INPP4B: variants seen among roughly 807,000 people sequenced by gnomAD.
INPP4B encodes inositol polyphosphate-4-phosphatase type II B.
In INPP4B, 55 loss-of-function variants were observed where a neutral mutation model predicts 122.5. The observed-to-expected ratio is 0.45, with a 90% CI of 0.36 to 0.56. INPP4B has a LOEUF of 0.56. Among genes scored for constraint, INPP4B ranks in the 20% least tolerant of loss-of-function variants. The pLI is 0.00. For missense variants in INPP4B, 1,000 were observed against 1,097.7 expected, an observed-to-expected ratio of 0.91 and a Z score of 1.26; for synonymous variants, 403 against 388.7, an observed-to-expected ratio of 1.04 and a Z score of -0.43.
At chr4:142,044,085 A>AAC (rs1553956444) in intron 25 of INPP4B, among the ~76,000 whole-genome samples, 2 of 151,904 alleles carry the variant, frequency 1.3e-5, no homozygotes, top group East Asian at 3.9e-4. Flanking sequence ...GAAGATCAGA[A>AAC]AGAAAAAATT....
chr4:142,684,304 G>A (rs375854925), intron 2 of INPP4B, among the ~76,000 whole-genome samples: 1 of 151,982 alleles, frequency 6.6e-6, no homozygotes, highest in South Asian at 2.1e-4. Flanking sequence ...ACCGAATAGC[G>A]CTCCCAAAAG....
At chr4:142,522,162 G>C (rs1826168109) in intron 2 of INPP4B, among the ~76,000 whole-genome samples, 1 of 151,478 alleles carries the variant, frequency 6.6e-6, no homozygotes, top group African/African-American at 2.4e-5. Flanking sequence ...CATTTCTTTT[G>C]TTGCATTTTT....
At chr4:142,448,978 T>C (rs567905351) in intron 3 of INPP4B, among the ~76,000 whole-genome samples, 16 of 152,218 alleles carry the variant, frequency 1.1e-4, no homozygotes, top group Non-Finnish European at 1.3e-4. Flanking sequence ...GTCAGGGCAA[T>C]GGATGTACAT....
rs139598944 is a variant in INPP4B, at chr4:142,526,874, G to T, written c.-190-64148C>A. ...ATTTTAAAATTCTCATTTATGTAACGTGTTTAACGATATAGACAAAATTAA... is the reference window on the plus strand; with the variant it reads ...ATTTTAAAATTCTCATTTATGTAACTTGTTTAACGATATAGACAAAATTAA... On this transcript the variant is annotated intron_variant, in intron 2 of 25. Transcript: ENST00000262992. Among the ~76,000 whole-genome samples the T allele has an allele frequency of 6.4e-3, 968 of 151,956 alleles. 23 individuals carry two copies. The highest frequency in any genetic ancestry group is 0.032 in the Admixed American group (492 of 15,206).
Position 142,123,398 on chromosome 4 carries a change from A to G in INPP4B, c.1911T>C (p.Cys637=), listed in dbSNP as rs1381682415. The G allele has an allele frequency of 1.9e-6, 3 of 1,611,658 alleles. No individual in the cohort carries two copies. Among genetic ancestry groups the G allele is most frequent in the Non-Finnish European group, 2.5e-6 (3 of 1,179,132 alleles). ...TTGTCTGTAATTTGATGATAAAACCACAAACCAATCCAGCAAGCTGAAAAA... is the reference window on the plus strand; with the variant it reads ...TTGTCTGTAATTTGATGATAAAACCGCAAACCAATCCAGCAAGCTGAAAAA... ...VFSQALAGLV[C]GFIIKLQTSL... The change falls in exon 20 of 26, where the codon TGT becomes TGC. Residue 637 remains cysteine (C), a synonymous_variant. Coordinates refer to ENST00000262992, the MANE Select transcript of INPP4B (RefSeq NM_001101669.3).
intron 14 of INPP4B, among the ~76,000 whole-genome samples, chr4:142,196,942 T>G (rs1451720343): frequency 1.3e-5 from 2 of 151,380 alleles, no homozygotes; most frequent in South Asian, 2.1e-4. Flanking sequence ...CTGGTCAACA[T>G]GATGAAACCC....
chr4:142,734,879 A>G lies in INPP4B; in HGVS notation c.-253-8978T>C, dbSNP rs543547790. On this transcript the variant is annotated intron_variant, in intron 1 of 25. Transcript: ENST00000262992. ...AGACAGGCCTCAAACTCCTAACCTC[A>G]GATGATCTGCCTGCCTCAGCCTCCC... 2.2e-4 allele frequency among the ~76,000 whole-genome samples: 34 copies of G among 152,294 alleles called. 1 individual carries two copies. The East Asian group carries it at 6.0e-3, about 27-fold the overall frequency.
Position 142,026,166 on chromosome 4 carries a change from G to A in INPP4B, c.*2616C>T, listed in dbSNP as rs1236623017. The A allele has an allele frequency of 6.6e-6, 1 of 152,130 alleles. No homozygotes were observed. The allele number at this position is 152,130 out of a possible 1,614,324, so 9.4% of individuals were successfully genotyped here. A position where few individuals can be genotyped will look rare whatever the true frequency, so the allele number is the denominator to read the frequency against. On this transcript the variant is annotated 3_prime_UTR_variant, in exon 26 of 26. Transcript: ENST00000262992. The stretch of plus-strand genomic sequence containing the variant: ...TATCTTTTAAGTGAAAATATAGATA[G>A]AATAGCATGACTGTGGCTGTGTTTG...
chr4:142,242,346 C>T (rs891788687), intron 11 of INPP4B, among the ~76,000 whole-genome samples: 2 of 152,104 alleles, frequency 1.3e-5, no homozygotes, highest in African/African-American at 4.8e-5. Flanking sequence ...TGCAGCCAAA[C>T]CCACAAGCTC....
rs994130431 is a variant in INPP4B at position 142,381,796 on chromosome 4, T to C, written c.372+21142A>G. On this transcript the variant is annotated intron_variant, in intron 7 of 25. Transcript: ENST00000262992. ...TTTTACCTGCACTTTTTTTCTTAAA[T>C]AACCCGTTCTTTACCTATTAACTAA... Among the ~76,000 whole-genome samples, 10 of 152,112 alleles carry C rather than the reference T, an allele frequency of 6.6e-5. 1 individual carries two copies. Among genetic ancestry groups the C allele is most frequent in the Admixed American group, 5.9e-4 (9 of 15,254 alleles).
At chr4:142,189,934 A>C (rs902750267) in intron 15 of INPP4B, among the ~76,000 whole-genome samples, 1 of 152,156 alleles carries the variant, frequency 6.6e-6, no homozygotes, top group Non-Finnish European at 1.5e-5. Context: ...AATTTTAATA[A>C]ATATGGTTGT....
chr4:142,097,225 T>TTTTTATTTTATTTTATTTTATTTTA (rs376210499), intron 23 of INPP4B, among the ~76,000 whole-genome samples: 25 of 135,554 alleles, frequency 1.8e-4, no homozygotes, highest in African/African-American at 6.5e-4. Flanking sequence ...TTTTATGTTA[T>TTTTTATTTTATTTTATTTTATTTTA]TTTTATTTTA....
chr4:142,214,882 G>T (rs1346060848), intron 12 of INPP4B, among the ~76,000 whole-genome samples: 2 of 152,024 alleles, frequency 1.3e-5, no homozygotes, highest in East Asian at 3.9e-4. Context: ...TTGTATAGAT[G>T]AAAAAAGACC....
In INPP4B at chr4:142,248,245, C is replaced by G. The variant is rs575247916; in HGVS notation, c.689-10234G>C. 2.0e-4 allele frequency among the ~76,000 whole-genome samples: 30 copies of G among 152,048 alleles called. No homozygotes were observed. The South Asian group carries it at 4.4e-3, about 22-fold the overall frequency. ...ACTCCAAGACTATCAATTTTTGAAG[C>G]CTTTTCCCCATGAGATTTAAGAAAG... is the stretch of plus-strand genomic sequence containing the variant. On this transcript the variant is annotated intron_variant, in intron 11 of 25. Coordinates refer to ENST00000262992, the MANE Select transcript of INPP4B (RefSeq NM_001101669.3).
chr4:142,275,396 T>C (rs1034819743), intron 9 of INPP4B, among the ~76,000 whole-genome samples: 2 of 151,802 alleles, frequency 1.3e-5, no homozygotes, highest in Non-Finnish European at 2.9e-5. Flanking sequence ...TCAGCCTTTG[T>C]GAATATAAAG....
Position 142,127,777 on chromosome 4 carries a change from A to AT in INPP4B, c.1721-3018dup, listed in dbSNP as rs569247865. The stretch of plus-strand genomic sequence containing the variant: ...ACATAAGTGAAAAAGCTAAAAATAC[A>AT]TTTTTTTTCTAGAAAAGAAACAATT... On this transcript the variant is annotated intron_variant, in intron 18 of 25. Transcript: ENST00000262992. Among the ~76,000 whole-genome samples the AT allele has an allele frequency of 1.1e-3, 163 of 152,080 alleles. 1 individual carries two copies. Among genetic ancestry groups the AT allele is most frequent in the African/African-American group, 3.8e-3 (156 of 41,476 alleles).
At chr4:142,036,303 C>G (rs1232497247) in intron 25 of INPP4B, among the ~76,000 whole-genome samples, 1 of 152,064 alleles carries the variant, frequency 6.6e-6, no homozygotes, top group Non-Finnish European at 1.5e-5. Context: ...TTCAATGTCT[C>G]CTGTTAGGAA....
chr4:142,836,390 A>G (rs1324882635), intron 1 of INPP4B, among the ~76,000 whole-genome samples: 1 of 152,084 alleles, frequency 6.6e-6, no homozygotes, highest in Non-Finnish European at 1.5e-5. Context: ...AATGTACCAG[A>G]ACCAGAAATC....
At chr4:142,200,237 C>T (rs1840073236) in intron 14 of INPP4B, among the ~76,000 whole-genome samples, 2 of 151,874 alleles carry the variant, frequency 1.3e-5, no homozygotes, top group African/African-American at 4.8e-5. Flanking sequence ...TTAAGGTTGG[C>T]TGTTGTGCCC....
Sources: allele counts gnomAD v4.1 joint callset (sites outside exome capture counted in the v4.1 genomes callset), GRCh38; gene constraint gnomAD v4.1.1; transcripts MANE v1.5; gene names NCBI Gene and HGNC (gene_info 2026-07-23, HGNC 2026-07-21).